The following OPCML variants were observed in gnomAD, a reference collection of about 807,000 sequenced individuals.
OPCML encodes opioid binding protein/cell adhesion molecule like, also known as opioid-binding protein/cell adhesion molecule.
OPCML carries 13 observed loss-of-function variants against 37.8 expected under a neutral mutation model. The observed-to-expected ratio is 0.34, with a 90% confidence interval of 0.22 to 0.55. OPCML has a LOEUF of 0.55. Among genes scored for constraint, OPCML ranks in the 20% least tolerant of loss-of-function variants. The probability of loss-of-function intolerance (pLI) is 0.91; values close to 1 mark genes in which losing one functional copy is unlikely to be tolerated. For synonymous variants in OPCML, 176 were observed against 168.8 expected, an observed-to-expected ratio of 1.04 and a Z score of -0.33; for missense variants, 341 against 435.6, an observed-to-expected ratio of 0.78 and a Z score of 1.93.
chr11:133,375,091 C>A (rs953358327), intron 1 of OPCML, among the ~76,000 whole-genome samples: 8 of 152,168 alleles, frequency 5.3e-5, no homozygotes, highest in Non-Finnish European at 1.0e-4. Flanking sequence ...GTGCTCTCTC[C>A]TTCTCCATCT....
At chr11:133,414,690 A>G (rs1945723685) in intron 1 of OPCML, among the ~76,000 whole-genome samples, 1 of 152,116 alleles carries the variant, frequency 6.6e-6, no homozygotes, top group African/African-American at 2.4e-5. Flanking sequence ...CATGAAACCC[A>G]GTTAACAGCT....
At chr11:132,726,294 T>C (rs1428599739) in intron 2 of OPCML, among the ~76,000 whole-genome samples, 1 of 152,134 alleles carries the variant, frequency 6.6e-6, no homozygotes, top group East Asian at 1.9e-4. Flanking sequence ...ACAAGTCACA[T>C]CTTACATGGA....
intron 1 of OPCML, among the ~76,000 whole-genome samples, chr11:133,498,493 G>A (rs1005474881): frequency 1.3e-5 from 2 of 152,192 alleles, no homozygotes; most frequent in South Asian, 4.1e-4. Context: ...ATATCGCGCA[G>A]GGCCCCTTCT....
chr11:133,502,554 G>C (rs149641336), intron 1 of OPCML, among the ~76,000 whole-genome samples: 108 of 152,350 alleles, frequency 7.1e-4, no homozygotes, highest in South Asian at 1.2e-3. Context: ...CACAGGCAGA[G>C]CCTCTAAACA....
At chr11:133,197,129 A>C (rs1386462973) in intron 1 of OPCML, among the ~76,000 whole-genome samples, 2 of 152,142 alleles carry the variant, frequency 1.3e-5, no homozygotes, top group Non-Finnish European at 2.9e-5. Context: ...ACACCTATAA[A>C]ATATTTTATA....
At position 132,619,930 on chromosome 11, in the gene OPCML, G is replaced by A. The variant is rs151236825; in HGVS notation, c.379+37157C>T. 3.5e-3 allele frequency among the ~76,000 whole-genome samples: 522 copies of A among 150,370 alleles called. 2 individuals are homozygous for A. The highest frequency in any genetic ancestry group is 0.012 in the African/African-American group (491 of 41,002). On this transcript the variant is annotated intron_variant, in intron 3 of 7. Transcript: ENST00000524381. ...ATGAAACAGCATAATTAATTAATTTGCTATTTTATTATTATTCATTTGACA... is the reference window on the plus strand; with the variant it reads ...ATGAAACAGCATAATTAATTAATTTACTATTTTATTATTATTCATTTGACA...
At chr11:133,117,723 AAC>A (rs1949358487) in intron 1 of OPCML, 1 of 888,930 alleles carries the variant, frequency 1.1e-6, no homozygotes, top group Non-Finnish European at 1.3e-6. Flanking sequence ...AAGTATTATC[AAC>A]TGTAGGAAAT....
chr11:133,043,217 A>G (rs556053997), intron 1 of OPCML, among the ~76,000 whole-genome samples: 1 of 152,226 alleles, frequency 6.6e-6, no homozygotes, highest in African/African-American at 2.4e-5. Flanking sequence ...CCCAGCTGGG[A>G]TTGTGGGTCC....
chr11:132,730,972 G>T lies in OPCML; in HGVS notation c.147-73653C>A, dbSNP rs187603584. 6.0e-3 allele frequency among the ~76,000 whole-genome samples: 912 copies of T among 152,238 alleles called. 1 individual carries two copies. The highest frequency in any genetic ancestry group is 0.02 in the Middle Eastern group (6 of 294). On this transcript the variant is annotated intron_variant, in intron 2 of 7. Coordinates refer to ENST00000524381, the MANE Select transcript of OPCML (RefSeq NM_001012393.5). Reference sequence around the variant, plus strand: ...AAAACAGCTCTTGATGTAAGAAAAAGGTATGTTTTTTCATCTGTTTGTTGT... The same window carrying T: ...AAAACAGCTCTTGATGTAAGAAAAATGTATGTTTTTTCATCTGTTTGTTGT...
chr11:132,608,473 C>T (rs929155761), intron 3 of OPCML, among the ~76,000 whole-genome samples: 13 of 152,172 alleles, frequency 8.5e-5, no homozygotes, highest in African/African-American at 3.1e-4. Flanking sequence ...TAAGGCTTTA[C>T]GGTACTTGCT....
At chr11:132,837,191 G>A (rs1234114465) in intron 2 of OPCML, among the ~76,000 whole-genome samples, 12 of 152,096 alleles carry the variant, frequency 7.9e-5, no homozygotes, top group Admixed American at 4.6e-4. Context: ...GTGCATGCCT[G>A]TAATTACAGC....
At position 133,174,628 on chromosome 11, in the gene OPCML, T is replaced by A. The variant is rs1950340060; in HGVS notation, c.62-231618A>T. On this transcript the variant is annotated intron_variant, in intron 1 of 7. Coordinates refer to ENST00000524381, the MANE Select transcript of OPCML (RefSeq NM_001012393.5). This position sits in a 1 kb window ranked among gnomAD's most constrained non-coding sequence, Gnocchi z 4.6. ...TTGTGTTGAAAAAATGCTCATGGAA[T>A]GCTGTTTAGTGAAAAAAAAAAAAAA... 8.0e-6 allele frequency among the ~76,000 whole-genome samples: 1 copy of A among 125,004 alleles called. No individual in the cohort carries two copies. Among genetic ancestry groups the A allele is most frequent in the African/African-American group, 3.2e-5 (1 of 30,834 alleles). The allele number at this position is 125,004 out of a possible 152,430, so 82.0% of individuals were successfully genotyped here. A position where few individuals can be genotyped will look rare whatever the true frequency, so the allele number is the denominator to read the frequency against.
chr11:133,474,282 A>G (rs1339101284), intron 1 of OPCML, among the ~76,000 whole-genome samples: 1 of 152,232 alleles, frequency 6.6e-6, no homozygotes, highest in Non-Finnish European at 1.5e-5. Context: ...CAGAGCCCAG[A>G]TAGGAAAGTA....
At chr11:133,118,860 A>G (rs7931148) in intron 1 of OPCML, among the ~76,000 whole-genome samples, 109,971 of 151,708 alleles carry the variant, frequency 0.72, 40,189 homozygotes, top group African/African-American at 0.81. Flanking sequence ...ACAGACCCAC[A>G]CATGGACGTG....
rs568454589 is a variant in OPCML at position 132,691,720 on chromosome 11, G to T, written c.147-34401C>A. On this transcript the variant is annotated intron_variant, in intron 2 of 7. Coordinates refer to ENST00000524381, the MANE Select transcript of OPCML (RefSeq NM_001012393.5). ...GAACAAAAAGGCCTATGTCCATCCAGTTTCATTACCAAGTCTGATGAACAT... is the reference window on the plus strand; with the variant it reads ...GAACAAAAAGGCCTATGTCCATCCATTTTCATTACCAAGTCTGATGAACAT... Among the ~76,000 whole-genome samples the T allele has an allele frequency of 2.2e-4, 34 of 152,256 alleles. 1 individual carries two copies. Among genetic ancestry groups the T allele is most frequent in the African/African-American group, 7.7e-4 (32 of 41,550 alleles).
chr11:133,381,916 CT>C (rs1250781833), intron 1 of OPCML, among the ~76,000 whole-genome samples: 1 of 152,234 alleles, frequency 6.6e-6, no homozygotes, highest in Non-Finnish European at 1.5e-5. Flanking sequence ...CCCTCAGCTG[CT>C]CCTGTCCCTC....
chr11:133,286,048 G>A (rs1258329075), intron 1 of OPCML, among the ~76,000 whole-genome samples: 2 of 151,908 alleles, frequency 1.3e-5, no homozygotes, highest in African/African-American at 4.8e-5. Context: ...CTTGAAAGGG[G>A]GAGACAAGTC....
chr11:132,744,074 C>T (rs2136046582), intron 2 of OPCML, among the ~76,000 whole-genome samples: 1 of 152,288 alleles, frequency 6.6e-6, no homozygotes, highest in South Asian at 2.1e-4. Flanking sequence ...GCTTCGTTAG[C>T]CTATTCTGCC....
chr11:133,418,459 T>C (rs1331257884), intron 1 of OPCML: 1 of 985,256 alleles, frequency 1.0e-6, no homozygotes. Context: ...TTGGTGTTTC[T>C]AGTATCTGTG....
Sources: gnomAD v4.1 joint callset for allele counts (sites outside exome capture counted in the v4.1 genomes callset) on GRCh38, gnomAD v4.1.1 for gene constraint, Gnocchi (gnomAD v3.1) non-coding constraint, MANE v1.5 for transcripts, NCBI Gene and HGNC (gene_info 2026-07-23, HGNC 2026-07-21) for gene names.